Variants in COPZ1 observed in about 807,000 individuals in gnomAD.
COPZ1 encodes the protein coatomer subunit zeta-1.
In COPZ1, 4 loss-of-function variants were observed where a neutral mutation model predicts 31.7. The observed-to-expected ratio is 0.13, with a 90% CI of 0.06 to 0.29. The LOEUF (loss-of-function observed/expected upper bound fraction) is 0.29. Among genes scored for constraint, COPZ1 ranks in the 10% least tolerant of loss-of-function variants. The pLI is 1.00. For synonymous variants in COPZ1, 74 were observed against 79.0 expected (o/e 0.94, Z 0.33); for missense variants, 156 against 211.5 (o/e 0.74, Z 1.63).
chr12:54,349,754 A>G, intron 8 of COPZ1, 96 bp downstream of exon 8: 1 of 1,005,332 alleles, frequency 9.9e-7, no homozygotes, highest in South Asian at 1.3e-5. Flanking sequence ...GTGAAACTAG[A>G]GACTCAAGAC....
chr12:54,334,220 C>G (rs940576330), intron 1 of COPZ1, among the ~76,000 whole-genome samples: 3 of 151,650 alleles, frequency 2.0e-5, no homozygotes, highest in Non-Finnish European at 4.4e-5. Context: ...ATGGCGAAAC[C>G]CCGTCTCTAC....
chr12:54,342,470 C>T (rs1384293003), intron 3 of COPZ1, 183 bp downstream of exon 3: 9 of 585,968 alleles, frequency 1.5e-5, no homozygotes, highest in Non-Finnish European at 2.1e-5. Context: ...CGCGGGAATA[C>T]CATGCTGGAA....
At chr12:54,332,477 G>A (rs1035202815) in intron 1 of COPZ1, among the ~76,000 whole-genome samples, 2 of 150,146 alleles carry the variant, frequency 1.3e-5, no homozygotes, top group Admixed American at 6.6e-5. Context: ...TAGCTCACGC[G>A]TGTAATCCCA....
chr12:54,341,233 T>C (rs929412717), intron 2 of COPZ1, among the ~76,000 whole-genome samples: 1 of 152,160 alleles, frequency 6.6e-6, no homozygotes, highest in African/African-American at 2.4e-5. Context: ...TCACCCTGCC[T>C]GGGTTTTTCC....
intron 1 of COPZ1, among the ~76,000 whole-genome samples, chr12:54,336,614 G>C (rs981743958): frequency 2.6e-4 from 40 of 152,054 alleles, no homozygotes; most frequent in Non-Finnish European, 5.1e-4. Flanking sequence ...GGAAGCTGCA[G>C]GTCACCGAGA....
At chr12:54,340,639 T>G in intron 2 of COPZ1, 24 bp downstream of exon 2, 1 of 1,610,794 alleles carries the variant, frequency 6.2e-7, no homozygotes, top group South Asian at 1.1e-5. Flanking sequence ...TCGAATTAGT[T>G]TAGGAACAGC....
At position 54,342,180 on chromosome 12, in the gene COPZ1, AC is replaced by A. The variant is rs755987547; in HGVS notation, c.88-23del. 2.5e-6 allele frequency: 4 copies of A among 1,573,084 alleles called. No homozygotes were observed. The Admixed American group carries it at 6.7e-5, about 26-fold the overall frequency. ...TCTGGCTTCCAGCTCTAGTGACCCA[AC>A]CCTGTCTTCTTTCCCTCTGACCAGT... On this transcript the variant is annotated intron_variant, in intron 2 of 8. Coordinates refer to ENST00000262061, the MANE Select transcript of COPZ1 (RefSeq NM_016057.3).
chr12:54,328,825 T>G (rs1171700929), intron 1 of COPZ1, among the ~76,000 whole-genome samples: 1 of 152,210 alleles, frequency 6.6e-6, no homozygotes, highest in African/African-American at 2.4e-5. Context: ...CATATTCTTC[T>G]GTCCTTAACT....
chr12:54,349,773 C>G, intron 8 of COPZ1, 115 bp downstream of exon 8: 1 of 895,248 alleles, frequency 1.1e-6, no homozygotes, highest in Non-Finnish European at 1.9e-6. Flanking sequence ...ACACATCTTC[C>G]TTGGCTCCCT....
At chr12:54,335,327 C>G (rs898128852) in intron 1 of COPZ1, among the ~76,000 whole-genome samples, 11 of 151,652 alleles carry the variant, frequency 7.3e-5, no homozygotes, top group Non-Finnish European at 1.2e-4. Context: ...ACAAGAGAAT[C>G]TTGTTACAGT....
chr12:54,349,715 A>G lies in COPZ1; in HGVS notation c.486+57A>G, dbSNP rs1020315629. On this transcript the variant is annotated intron_variant, in intron 8 of 8. Transcript: ENST00000262061. Reference sequence around the variant, plus strand: ...ACTGGGTCACTAAAGAGGCTAGAACAGCATTCCACCCATACCTCTCAAATC... The same window carrying G: ...ACTGGGTCACTAAAGAGGCTAGAACGGCATTCCACCCATACCTCTCAAATC... The G allele has an allele frequency of 7.6e-6, 10 of 1,317,700 alleles. No individual in the cohort carries two copies. The African/African-American group carries it at 1.3e-4, about 17-fold the overall frequency. The allele number at this position is 1,317,700 out of a possible 1,614,324, so 81.6% of individuals were successfully genotyped here.
At position 54,337,019 on chromosome 12, in the gene COPZ1, C is replaced by CAAA. The variant is rs1182592654; in HGVS notation, c.19-3505_19-3503dup. Among the ~76,000 whole-genome samples the CAAA allele has an allele frequency of 8.0e-3, 467 of 58,230 alleles. 3 individuals are homozygous for CAAA. The highest frequency in any genetic ancestry group is 0.017 in the African/African-American group (194 of 11,550). 38.2% of individuals were successfully genotyped at this position (58,230 alleles called of 152,430 possible). A position where few individuals can be genotyped will look rare whatever the true frequency, so the allele number is the denominator to read the frequency against. ...CCTGGGTGACAGAGAGAGACTGTCG[C>CAAA]AAAAAAAAAAAAAAAAAAAAAAAAA... On this transcript the variant is annotated intron_variant, in intron 1 of 8. Coordinates refer to ENST00000262061, the MANE Select transcript of COPZ1 (RefSeq NM_016057.3).
At position 54,346,619 on chromosome 12, in the gene COPZ1, A is replaced by G. The variant is rs1489100696; in HGVS notation, c.317+1104A>G. 47 of 701,634 alleles carry G rather than the reference A, an allele frequency of 6.7e-5. No homozygotes were observed. The Admixed American group carries it at 9.2e-4, about 14-fold the overall frequency. 43.5% of individuals were successfully genotyped at this position (701,634 alleles called of 1,614,324 possible). On this transcript the variant is annotated intron_variant, in intron 5 of 8. Coordinates refer to ENST00000262061, the MANE Select transcript of COPZ1 (RefSeq NM_016057.3). ...GTTTTTTCCCTTCTGTAGAACAGGA[A>G]GCACCCAGGCAGGAGGACTGCATGA...
At chr12:54,342,116 A>G in intron 2 of COPZ1, 90 bp from the exon 3 acceptor site, 1 of 900,978 alleles carries the variant, frequency 1.1e-6, no homozygotes, top group East Asian at 2.4e-5. Context: ...TGAAGGAGAG[A>G]AATCCAAGAT....
intron 5 of COPZ1, among the ~76,000 whole-genome samples, chr12:54,347,170 A>G (rs2137112286): frequency 6.6e-6 from 1 of 152,322 alleles, no homozygotes; most frequent in Middle Eastern, 3.4e-3. Context: ...ATAGTAATTC[A>G]TTCGGGTAAT....
chr12:54,350,344 T>C (rs767925277), intron 8 of COPZ1, 132 bp from the exon 9 acceptor site: 1 of 822,562 alleles, frequency 1.2e-6, no homozygotes, highest in Admixed American at 1.7e-5. Flanking sequence ...CCCATCTCTT[T>C]ACCCTTGGGG....
chr12:54,337,209 TC>T (rs765869342), intron 1 of COPZ1: 3 of 534,566 alleles, frequency 5.6e-6, no homozygotes, highest in South Asian at 1.4e-5. Context: ...TGCCTATACA[TC>T]ATTTCCAAGC....
intron 1 of COPZ1, among the ~76,000 whole-genome samples, chr12:54,329,983 G>A (rs377490832): frequency 6.6e-6 from 1 of 152,106 alleles, no homozygotes; most frequent in Non-Finnish European, 1.5e-5. Flanking sequence ...CTGGGCAAAG[G>A]TATCAATTAC....
Position 54,340,505 on chromosome 12 carries a change from A to G in COPZ1, c.19-42A>G, listed in dbSNP as rs11170877. 212,875 of 1,611,242 alleles carry G rather than the reference A, an allele frequency of 0.13. 15,917 individuals are homozygous for G. Among genetic ancestry groups the G allele is most frequent in the East Asian group, 0.25 (11,308 of 44,722 alleles). On this transcript the variant is annotated intron_variant, in intron 1 of 8. Transcript: ENST00000262061. ...GAAGGTATCTGGTTTACCAGTGGTG[A>G]TGGGAGGCTTCAGGACTGAAGGTAT...
Sources: allele counts gnomAD v4.1 joint callset (sites outside exome capture counted in the v4.1 genomes callset), GRCh38; gene constraint gnomAD v4.1.1; transcripts MANE v1.5; gene names NCBI Gene and HGNC (gene_info 2026-07-23, HGNC 2026-07-21).